Variants in TULP4 observed in about 807,000 individuals in gnomAD.
TULP4 encodes the protein tubby-related protein 4.
TULP4 carries 16 observed loss-of-function variants against 129.0 expected under a neutral mutation model. That is an observed-to-expected ratio of 0.12 (90% CI 0.08 to 0.19). The LOEUF is 0.19. Among genes scored for constraint, TULP4 ranks in the 10% least tolerant of loss-of-function variants. The pLI is 1.00. For synonymous variants in TULP4, 998 were observed against 854.0 expected (o/e 1.17, Z -2.94); for missense variants, 1,842 against 2,059.1 (o/e 0.89, Z 2.04).
intron 1 of TULP4, among the ~76,000 whole-genome samples, chr6:158,302,794 G>A (rs929949721): frequency 6.6e-6 from 1 of 152,056 alleles, no homozygotes; most frequent in African/African-American, 2.4e-5. Flanking sequence ...CACTGTAAGA[G>A]TTATGTGGAA....
intron 11 of TULP4, among the ~76,000 whole-genome samples, chr6:158,497,279 G>A (rs964366570): frequency 3.9e-5 from 6 of 152,206 alleles, no homozygotes; most frequent in African/African-American, 1.4e-4. Flanking sequence ...TATGTTATAT[G>A]TGGTACCCCA....
intron 1 of TULP4, among the ~76,000 whole-genome samples, chr6:158,252,182 G>T (rs1348913094): frequency 1.3e-5 from 2 of 152,086 alleles, no homozygotes; most frequent in Non-Finnish European, 2.9e-5. Flanking sequence ...TATTTTTCAT[G>T]GTTGGTTGCC....
At chr6:158,290,811 T>C (rs1778924461) in intron 1 of TULP4, among the ~76,000 whole-genome samples, 1 of 152,190 alleles carries the variant, frequency 6.6e-6, no homozygotes, top group Non-Finnish European at 1.5e-5. Context: ...GTTTTCTACC[T>C]TCCCCCCCAC....
chr6:158,328,600 G>A lies in TULP4; in HGVS notation c.252+14332G>A, dbSNP rs565796602. ...CAGCAGGGGAGAGGAGTGCCCTCAT[G>A]GTTGCTAAATGTGGGAATGGAATGT... is the stretch of plus-strand genomic sequence containing the variant. On this transcript the variant is annotated intron_variant, in intron 1 of 13. Coordinates refer to ENST00000367097, the MANE Select transcript of TULP4 (RefSeq NM_020245.5). Among the ~76,000 whole-genome samples the A allele has an allele frequency of 1.5e-4, 23 of 152,234 alleles. No individual in the cohort carries two copies. The East Asian group carries it at 3.9e-3, about 26-fold the overall frequency.
chr6:158,508,923 T>C lies in TULP4; in HGVS notation c.*2229T>C, dbSNP rs1780667135. 7.1e-6 allele frequency: 1 copy of C among 141,394 alleles called. No individual in the cohort carries two copies. Among genetic ancestry groups the C allele is most frequent in the African/African-American group, 2.6e-5 (1 of 38,674 alleles). 8.8% of individuals were successfully genotyped at this position (141,394 alleles called of 1,614,324 possible). A position where few individuals can be genotyped will look rare whatever the true frequency, so the allele number is the denominator to read the frequency against. On this transcript the variant is annotated 3_prime_UTR_variant, in exon 14 of 14. Transcript: ENST00000367097. ...TTTTTTTTGAGACGGAGTCCCACTC[T>C]TGTCGCCCAACTAGAGTGTAGTGGC...
intron 3 of TULP4, among the ~76,000 whole-genome samples, chr6:158,434,156 G>A (rs1011018575): frequency 1.3e-5 from 2 of 152,070 alleles, no homozygotes; most frequent in Admixed American, 6.6e-5. Context: ...TCATTTAACT[G>A]TAGTTACCTC....
At chr6:158,285,627 C>A (rs1778821851) in intron 1 of TULP4, among the ~76,000 whole-genome samples, 1 of 152,206 alleles carries the variant, frequency 6.6e-6, no homozygotes, top group Non-Finnish European at 1.5e-5. Flanking sequence ...TAGCTCACAG[C>A]CGCTTCCATG....
intron 1 of TULP4, among the ~76,000 whole-genome samples, chr6:158,256,119 A>C (rs1404354201): frequency 6.6e-6 from 1 of 152,244 alleles, no homozygotes; most frequent in Non-Finnish European, 1.5e-5. Context: ...ACCTTGGCTT[A>C]ACATTCCAGA....
At chr6:158,403,830 A>G (rs934425984) in intron 1 of TULP4, among the ~76,000 whole-genome samples, 10 of 151,764 alleles carry the variant, frequency 6.6e-5, no homozygotes, top group Non-Finnish European at 1.5e-4. Context: ...AACAACAACA[A>G]CTCTTCTCAT....
intron 1 of TULP4, among the ~76,000 whole-genome samples, chr6:158,373,699 A>G (rs1388666351): frequency 6.6e-6 from 1 of 152,224 alleles, no homozygotes; most frequent in East Asian, 1.9e-4. Context: ...TCCTGAGTCC[A>G]CAAAGATTTT....
intron 1 of TULP4, among the ~76,000 whole-genome samples, chr6:158,239,384 C>T (rs1230599114): frequency 5.7e-5 from 4 of 70,586 alleles, no homozygotes; most frequent in South Asian, 5.2e-4. Context: ...ACCTCCCTCC[C>T]GGACGGGGCG....
rs139472940 is a variant in TULP4, at chr6:158,393,416, T to C, written c.253-19649T>C. Among the ~76,000 whole-genome samples the C allele has an allele frequency of 4.4e-3, 674 of 152,342 alleles. 1 individual carries two copies. Among genetic ancestry groups the C allele is most frequent in the Non-Finnish European group, 7.1e-3 (480 of 68,036 alleles). ...AGGCAGTGCCCCAGTGGGGACTCTG[T>C]GTGGGCTCCAACCCCACATTTCCCC... On this transcript the variant is annotated intron_variant, in intron 1 of 13. Coordinates refer to ENST00000367097, the MANE Select transcript of TULP4 (RefSeq NM_020245.5).
intron 1 of TULP4, among the ~76,000 whole-genome samples, chr6:158,296,791 G>A (rs1429140039): frequency 6.6e-6 from 1 of 152,122 alleles, no homozygotes; most frequent in Non-Finnish European, 1.5e-5. Context: ...AAACCAACAA[G>A]TTTTTATTAG....
Position 158,502,221 on chromosome 6 carries a change from C to G in TULP4, c.2558C>G (p.Pro853Arg), listed in dbSNP as rs768954306. ...CCCACCACAGCAGCACCCCCGCCCC[C>G]TCTGCCGCCCCCACAGCCCCCAGTG... ...AAPTTAAPPP[P>R]LPPPQPPVDV... The change falls in exon 13 of 14, where the codon CCT becomes CGT. Residue 853 changes from proline to arginine, a missense_variant. By Grantham distance (103) the Pro-to-Arg change is moderately radical. Coordinates refer to ENST00000367097, the MANE Select transcript of TULP4 (RefSeq NM_020245.5). The G allele has an allele frequency of 5.9e-6, 9 of 1,537,616 alleles. No homozygotes were observed. The South Asian group carries it at 1.1e-4, about 18-fold the overall frequency.
intron 1 of TULP4, among the ~76,000 whole-genome samples, chr6:158,396,786 A>G (rs1045604924): frequency 6.6e-6 from 1 of 152,202 alleles, no homozygotes; most frequent in African/African-American, 2.4e-5. Context: ...TTTCATTTAA[A>G]TAGTCACAAG....
upstream of TULP4, among the ~76,000 whole-genome samples, chr6:158,310,923 A>G (rs1779335502): frequency 6.6e-6 from 1 of 152,188 alleles, no homozygotes; most frequent in Non-Finnish European, 1.5e-5. Context: ...AATAATTTTT[A>G]CTGCCGTATC....
intron 1 of TULP4, among the ~76,000 whole-genome samples, chr6:158,374,306 A>C (rs1355448278): frequency 3.9e-5 from 6 of 152,234 alleles, no homozygotes; most frequent in Non-Finnish European, 7.4e-5. Flanking sequence ...AAAAAAAAAA[A>C]AACAAGAAGT....
At chr6:158,407,829 T>C (rs1299364035) in intron 1 of TULP4, among the ~76,000 whole-genome samples, 1 of 152,114 alleles carries the variant, frequency 6.6e-6, no homozygotes, top group Non-Finnish European at 1.5e-5. Flanking sequence ...GAGGGAAATA[T>C]TGTGGGGTTG....
intron 6 of TULP4, among the ~76,000 whole-genome samples, chr6:158,464,978 A>G (rs1223499249): frequency 6.6e-6 from 1 of 152,168 alleles, no homozygotes; most frequent in Non-Finnish European, 1.5e-5. Flanking sequence ...AAATACTTTG[A>G]TTTCCTTCAA....
Sources: allele counts gnomAD v4.1 joint callset (sites outside exome capture counted in the v4.1 genomes callset), GRCh38; gene constraint gnomAD v4.1.1; transcripts MANE v1.5; gene names NCBI Gene and HGNC (gene_info 2026-07-23, HGNC 2026-07-21).